The following ERMP1 variants were observed in gnomAD, a reference collection of about 807,000 sequenced individuals.
The protein encoded by ERMP1 is Felix-ina.
ERMP1 carries 86 observed loss-of-function variants against 92.0 expected under a neutral mutation model. The observed-to-expected ratio is 0.93, with a 90% confidence interval of 0.79 to 1.12. ERMP1 has a LOEUF of 1.12. Among genes scored for constraint, ERMP1 ranks in the 50% most tolerant of loss-of-function variants. The pLI is 0.00. For synonymous variants in ERMP1, 530 were observed against 412.8 expected, an observed-to-expected ratio of 1.28 and a Z score of -3.44; for missense variants, 1,342 against 1,116.3, an observed-to-expected ratio of 1.20 and a Z score of -2.88.
intron 2 of ERMP1, among the ~76,000 whole-genome samples, chr9:5,830,220 T>C (rs902359779): frequency 6.6e-6 from 1 of 152,168 alleles, no homozygotes; most frequent in African/African-American, 2.4e-5. Context: ...TCAGCCATCA[T>C]TAGTGTATAT....
rs529545108 is a variant in ERMP1, at chr9:5,802,035, C to T, written c.1915-707G>A. On this transcript the variant is annotated intron_variant, in intron 10 of 14. Transcript: ENST00000339450. ...ACTCACAGAGTATGTCCACAGATCC[C>T]TTACAGGGTCTGAAGAAGCCATTTG... Among the ~76,000 whole-genome samples the T allele has an allele frequency of 6.8e-4, 103 of 152,296 alleles. 2 individuals are homozygous for T. In the South Asian group the frequency reaches 0.021, roughly 31 times the overall value.
chr9:5,796,983 G>A (rs927670323), intron 13 of ERMP1, among the ~76,000 whole-genome samples: 3 of 152,150 alleles, frequency 2.0e-5, no homozygotes, highest in African/African-American at 7.2e-5. Context: ...GGCAGGATAT[G>A]AGAACTCTAT....
chr9:5,837,337 C>T (rs1388003879), upstream of ERMP1, among the ~76,000 whole-genome samples: 1 of 152,154 alleles, frequency 6.6e-6, no homozygotes, highest in African/African-American at 2.4e-5. Flanking sequence ...ATATTACACA[C>T]ACATCCACAC....
intron 4 of ERMP1, among the ~76,000 whole-genome samples, chr9:5,814,672 C>G (rs1041571067): frequency 6.6e-6 from 1 of 152,052 alleles, no homozygotes; most frequent in African/African-American, 2.4e-5. Context: ...GAAGGCTGCA[C>G]TGAGCCAAGA....
chr9:5,856,675 C>T (rs1451123240), intron 6 of ERMP1, among the ~76,000 whole-genome samples: 1 of 152,198 alleles, frequency 6.6e-6, no homozygotes, highest in African/African-American at 2.4e-5. Context: ...TTAGCAAATA[C>T]TGAACCATTG....
intron 6 of ERMP1, among the ~76,000 whole-genome samples, chr9:5,846,634 C>G (rs1830237946): frequency 6.6e-6 from 1 of 152,184 alleles, no homozygotes; most frequent in Non-Finnish European, 1.5e-5. Flanking sequence ...TGGGCAAGCA[C>G]TTACTCCCGT....
intron 5 of ERMP1, among the ~76,000 whole-genome samples, chr9:5,864,672 C>T (rs1040370100): frequency 1.3e-5 from 2 of 152,166 alleles, no homozygotes; most frequent in African/African-American, 4.8e-5. Context: ...AATTCTGGCA[C>T]CTTCCTTACC....
In ERMP1 at chr9:5,787,956, T is replaced by C. The variant is rs75573738; in HGVS notation, c.2387-363A>G. ...TGCGAAGTGCTGTAACAGTACTGAATAGGACTGCCATTATGAATGGAGTTG... is the reference window on the plus strand; with the variant it reads ...TGCGAAGTGCTGTAACAGTACTGAACAGGACTGCCATTATGAATGGAGTTG... On this transcript the variant is annotated intron_variant, in intron 13 of 14. Transcript: ENST00000339450. 2.4e-3 allele frequency among the ~76,000 whole-genome samples: 364 copies of C among 152,300 alleles called. 10 individuals are homozygous for C. The East Asian group carries it at 0.058, about 24-fold the overall frequency.
intron 5 of ERMP1, among the ~76,000 whole-genome samples, chr9:5,862,538 G>A (rs1830531232): frequency 6.6e-6 from 1 of 152,034 alleles, no homozygotes; most frequent in South Asian, 2.1e-4. Flanking sequence ...TTGTAGAGAT[G>A]GAGTCTCTGT....
chr9:5,810,263 C>T (rs766396589), intron 7 of ERMP1, 32 bp from the exon 8 acceptor site: 1 of 1,513,398 alleles, frequency 6.6e-7, no homozygotes, highest in Admixed American at 1.7e-5. Context: ...GTTGAAATCA[C>T]CATCTTCATC....
chr9:5,826,551 G>C (rs1829737815), intron 2 of ERMP1, among the ~76,000 whole-genome samples: 1 of 152,022 alleles, frequency 6.6e-6, no homozygotes, highest in Non-Finnish European at 1.5e-5. Context: ...TAAAATGCTT[G>C]TTTGGGCTCT....
chr9:5,840,134 C>T (rs1396449484), intron 6 of ERMP1, among the ~76,000 whole-genome samples: 1 of 152,114 alleles, frequency 6.6e-6, no homozygotes, highest in Non-Finnish European at 1.5e-5. Flanking sequence ...TCCAGCTACT[C>T]AAGAGGCTGA....
At chr9:5,852,879 G>A (rs537431333) in intron 6 of ERMP1, among the ~76,000 whole-genome samples, 1 of 152,138 alleles carries the variant, frequency 6.6e-6, no homozygotes, top group Non-Finnish European at 1.5e-5. Flanking sequence ...CTGACTACAG[G>A]GTCATCTCAC....
chr9:5,818,542 C>T (rs1829408177), intron 4 of ERMP1, among the ~76,000 whole-genome samples: 1 of 151,930 alleles, frequency 6.6e-6, no homozygotes, highest in Admixed American at 6.6e-5. Context: ...ACAGTGAGAC[C>T]CTGTCTCTAC....
upstream of ERMP1, among the ~76,000 whole-genome samples, chr9:5,836,032 C>T (rs1417853861): frequency 1.3e-5 from 2 of 152,228 alleles, no homozygotes; most frequent in African/African-American, 4.8e-5. Context: ...GTCAACTCAT[C>T]TGACTTGGCA....
At chr9:5,787,682 C>G in intron 13 of ERMP1, 89 bp from the exon 14 acceptor site, 1 of 1,296,292 alleles carries the variant, frequency 7.7e-7, no homozygotes, top group Non-Finnish European at 1.1e-6. Context: ...CATAAAGGTT[C>G]ATGCCTGCAT....
chr9:5,830,566 C>T (rs1829900499), intron 2 of ERMP1, among the ~76,000 whole-genome samples, 161 bp downstream of exon 2: 2 of 152,232 alleles, frequency 1.3e-5, no homozygotes, highest in South Asian at 4.1e-4. Flanking sequence ...TGGTTAGATC[C>T]TAAACTAAAT....
chr9:5,831,095 C>G, intron 1 of ERMP1, 67 bp from the exon 2 acceptor site: 1 of 1,230,500 alleles, frequency 8.1e-7, no homozygotes, highest in Non-Finnish European at 1.2e-6. Context: ...GGTAACTTTT[C>G]CACTACACAC....
At chr9:5,841,660 AC>A (rs1385509944) in intron 6 of ERMP1, among the ~76,000 whole-genome samples, 1 of 152,162 alleles carries the variant, frequency 6.6e-6, no homozygotes, top group Non-Finnish European at 1.5e-5. Context: ...GCATGGTGGC[AC>A]GTGCCTGTAA....
Sources: allele counts gnomAD v4.1 joint callset (sites outside exome capture counted in the v4.1 genomes callset), GRCh38; gene constraint gnomAD v4.1.1; transcripts MANE v1.5; gene names NCBI Gene and HGNC (gene_info 2026-07-23, HGNC 2026-07-21).